Variants in HP1BP3 observed in about 807,000 individuals in gnomAD.
HP1BP3 encodes the protein heterochromatin protein 1 binding protein 3.
HP1BP3 carries 12 observed loss-of-function variants against 62.5 expected under a neutral mutation model. That is an observed-to-expected ratio of 0.19 (90% CI 0.12 to 0.31). The LOEUF (loss-of-function observed/expected upper bound fraction) is 0.31, where lower values mean the gene tolerates loss of function less well. HP1BP3 is among the 10% of genes least tolerant of loss of function. The pLI, the probability that HP1BP3 is intolerant of heterozygous loss-of-function variation, is 1.00. For synonymous variants in HP1BP3, 260 were observed against 237.8 expected (o/e 1.09, Z -0.86); for missense variants, 502 against 651.8 (o/e 0.77, Z 2.50).
intron 11 of HP1BP3, 148 bp downstream of exon 11, chr1:20,747,396 G>C: frequency 1.8e-6 from 1 of 569,740 alleles, no homozygotes. Flanking sequence ...TTGGGTATGC[G>C]GGCAGTTCTG....
chr1:20,767,323 A>G (rs909335029), intron 7 of HP1BP3, among the ~76,000 whole-genome samples: 3 of 152,218 alleles, frequency 2.0e-5, no homozygotes, highest in Non-Finnish European at 4.4e-5. Context: ...CTCAAAACAA[A>G]AAACAGTGTA....
At position 20,740,903 on chromosome 1, in the gene HP1BP3, T is replaced by G. The variant is rs1457338192; in HGVS notation, c.*3894A>C. ...ATAATGCAGCTGATTAGGGGTACTG[T>G]TTAACCATCTGTAATGGCTTCTAAA... On this transcript the variant is annotated 3_prime_UTR_variant, in exon 13 of 13. Coordinates refer to ENST00000438032, the MANE Select transcript of HP1BP3 (RefSeq NM_001372052.1). Among the ~76,000 whole-genome samples, 2 of 152,224 alleles carry G rather than the reference T, an allele frequency of 1.3e-5. No homozygotes were observed. Among genetic ancestry groups the G allele is most frequent in the Non-Finnish European group, 2.9e-5 (2 of 68,030 alleles).
intron 1 of HP1BP3, chr1:20,786,685 GA>G (rs2057852279): frequency 6.6e-6 from 1 of 152,270 alleles, no homozygotes; most frequent in South Asian, 2.1e-4. Context: ...CGGGGGCGGA[GA>G]ACCCGGGGGG....
At chr1:20,753,883 A>G (rs1195635397) in intron 9 of HP1BP3, among the ~76,000 whole-genome samples, 2 of 152,198 alleles carry the variant, frequency 1.3e-5, no homozygotes, top group Non-Finnish European at 2.9e-5. Context: ...CAACCTGACA[A>G]TAGGCATCTA....
rs1164930528 is a variant in HP1BP3, at chr1:20,783,769, C to CAAAAAAAA, written c.-100-3237_-100-3230dup. On this transcript the variant is annotated intron_variant, in intron 1 of 12. Coordinates refer to ENST00000438032, the MANE Select transcript of HP1BP3 (RefSeq NM_001372052.1). ...TGGGTAACAGTGTGAGACTCTGTCT[C>CAAAAAAAA]AAAAAAAAAAAAAAAAAAAAAAAAA... Among the ~76,000 whole-genome samples, 19 of 53,128 alleles carry CAAAAAAAA rather than the reference C, an allele frequency of 3.6e-4. 1 individual carries two copies. Among genetic ancestry groups the CAAAAAAAA allele is most frequent in the East Asian group, 9.1e-4 (1 of 1,102 alleles). 34.9% of individuals were successfully genotyped at this position (53,128 alleles called of 152,430 possible). A position where few individuals can be genotyped will look rare whatever the true frequency, so the allele number is the denominator to read the frequency against.
chr1:20,767,721 A>T (rs1286908030), intron 6 of HP1BP3, 57 bp from the exon 7 acceptor site: 3 of 1,095,426 alleles, frequency 2.7e-6, no homozygotes, highest in African/African-American at 3.2e-5. Context: ...TAGGCTAAGG[A>T]AATTACAGGC....
chr1:20,786,222 G>C (rs745688653), intron 1 of HP1BP3: 1 of 152,340 alleles, frequency 6.6e-6, no homozygotes, highest in Non-Finnish European at 1.5e-5. Context: ...CAAACGCTCA[G>C]ATGGGCGACT....
chr1:20,768,072 G>A (rs2056872308), intron 6 of HP1BP3, among the ~76,000 whole-genome samples: 1 of 151,744 alleles, frequency 6.6e-6, no homozygotes, highest in Non-Finnish European at 1.5e-5. Context: ...CTTGGAAAAA[G>A]TTTAGAGCCT....
chr1:20,766,078 G>A (rs1412703327), intron 7 of HP1BP3, among the ~76,000 whole-genome samples: 1 of 151,982 alleles, frequency 6.6e-6, no homozygotes, highest in Non-Finnish European at 1.5e-5. Context: ...GATAACCTGA[G>A]GTCTCAAGTT....
Position 20,744,646 on chromosome 1 carries a change from C to T in HP1BP3, c.*151G>A, listed in dbSNP as rs1382848207. On this transcript the variant is annotated 3_prime_UTR_variant, in exon 13 of 13. Transcript: ENST00000438032. ...TAAAAGCACCTAAAGCTAGCAAATG[C>T]CTAAACTGGTTTATTTAGAGTCCCT... 5.7e-6 allele frequency: 4 copies of T among 705,658 alleles called. No homozygotes were observed. The highest frequency in any genetic ancestry group is 3.0e-5 in the Admixed American group (1 of 33,138). The allele number at this position is 705,658 out of a possible 1,614,324, so 43.7% of individuals were successfully genotyped here.
chr1:20,766,294 AAC>A (rs961973379), intron 7 of HP1BP3, among the ~76,000 whole-genome samples: 2 of 152,196 alleles, frequency 1.3e-5, no homozygotes, highest in Admixed American at 1.3e-4. Flanking sequence ...TCCGTCTCAA[AAC>A]ACACACACAA....
In HP1BP3 at chr1:20,754,171, G is replaced by A. The variant is rs201827116; in HGVS notation, c.981+2995C>T. On this transcript the variant is annotated intron_variant, in intron 9 of 12. Transcript: ENST00000438032. ...AGTTCAGCAAGGGCGAAGGATACAA[G>A]AGCAATGGACAAATCGATTGTATTT... 6.6e-5 allele frequency among the ~76,000 whole-genome samples: 10 copies of A among 152,332 alleles called. No homozygotes were observed. The East Asian group carries it at 1.9e-3, about 29-fold the overall frequency.
Position 20,757,369 on chromosome 1 carries a change from ATTATT to A in HP1BP3, c.891-118_891-114del, listed in dbSNP as rs534105155. The A allele has an allele frequency of 8.8e-3, 3,512 of 400,580 alleles. 79 individuals carry two copies. In the African/African-American group the frequency reaches 0.09, roughly 10 times the overall value. 24.8% of individuals were successfully genotyped at this position (400,580 alleles called of 1,614,324 possible). A position where few individuals can be genotyped will look rare whatever the true frequency, so the allele number is the denominator to read the frequency against. ...TAGAGTTCTGATTACTATTATTATT[ATTATT>A]TTTTTTTTTTTTTTGAGGTGGAGTT... On this transcript the variant is annotated intron_variant, in intron 8 of 12. Transcript: ENST00000438032.
intron 1 of HP1BP3, among the ~76,000 whole-genome samples, chr1:20,783,364 C>G (rs1333730962): frequency 3.3e-5 from 5 of 151,900 alleles, no homozygotes; most frequent in African/African-American, 1.2e-4. Context: ...ACTAAAAACA[C>G]AAAAGTTAGC....
chr1:20,745,165 T>C (rs1212589870), intron 12 of HP1BP3, 74 bp from the exon 13 acceptor site: 2 of 1,492,656 alleles, frequency 1.3e-6, no homozygotes, highest in Non-Finnish European at 1.8e-6. Context: ...CCAGATGCTT[T>C]CTAAAGAGAA....
chr1:20,775,845 T>G, intron 4 of HP1BP3: 1 of 1,054,312 alleles, frequency 9.5e-7, no homozygotes, highest in Admixed American at 3.0e-5. Flanking sequence ...CGTAGGTTTG[T>G]GTAAGTACAC....
chr1:20,757,295 T>A (rs371379726), intron 8 of HP1BP3, 39 bp from the exon 9 acceptor site: 4 of 1,250,590 alleles, frequency 3.2e-6, no homozygotes, highest in Non-Finnish European at 4.6e-6. Flanking sequence ...GATAAATACA[T>A]TAATGAAAGA....
rs1353075594 is a variant in HP1BP3, at chr1:20,745,572, A to G, written c.1338T>C (p.Ser446=). 2 of 1,613,848 alleles carry G rather than the reference A, an allele frequency of 1.2e-6. No homozygotes were observed. Among genetic ancestry groups the G allele is most frequent in the Admixed American group, 3.3e-5 (2 of 59,998 alleles). The change falls in exon 12 of 13, where the codon TCT becomes TCC. Residue 446 remains serine, a synonymous_variant. Coordinates refer to ENST00000438032, the MANE Select transcript of HP1BP3 (RefSeq NM_001372052.1). ...EDEDESSEED[S]EDEEPPPKRR... The stretch of plus-strand genomic sequence containing the variant: ...TCTTAGGTGGCGGCTCTTCATCCTC[A>G]GAGTCTTCTTCTGATGACTCATCTT...
rs1290777169 is a variant in HP1BP3 at position 20,747,369 on chromosome 1, G to A, written c.1253+175C>T. Among the ~76,000 whole-genome samples, 5 of 152,180 alleles carry A rather than the reference G, an allele frequency of 3.3e-5. No homozygotes were observed. The South Asian group carries it at 8.3e-4, about 25-fold the overall frequency. On this transcript the variant is annotated intron_variant, in intron 11 of 12. Coordinates refer to ENST00000438032, the MANE Select transcript of HP1BP3 (RefSeq NM_001372052.1). The stretch of plus-strand genomic sequence containing the variant: ...TTTTCAGATACATGGATTCCACAGG[G>A]CTGAGTACATGCGCATTTGGGTATG...
Sources: allele counts gnomAD v4.1 joint callset (sites outside exome capture counted in the v4.1 genomes callset), GRCh38; gene constraint gnomAD v4.1.1; transcripts MANE v1.5; gene names NCBI Gene and HGNC (gene_info 2026-07-23, HGNC 2026-07-21).